MTM1: variants seen among roughly 807,000 people sequenced by gnomAD.
The protein encoded by MTM1 is myotubularin 1.
A neutral mutation model predicts 52.1 loss-of-function variants in MTM1; 9 were observed. The observed-to-expected ratio is 0.17, with a 90% CI of 0.10 to 0.30. The LOEUF (loss-of-function observed/expected upper bound fraction) is 0.30, where lower values mean the gene tolerates loss of function less well. MTM1 is among the 10% of genes least tolerant of loss of function. The pLI is 1.00. For synonymous variants in MTM1, 136 were observed against 163.8 expected, an observed-to-expected ratio of 0.83 and a Z score of 1.29; for missense variants, 277 against 470.7, an observed-to-expected ratio of 0.59 and a Z score of 3.81.
intron 4 of MTM1, among the ~76,000 whole-genome samples, chrX:150,604,080 G>A (rs1476939998): frequency 9.0e-6 from 1 of 111,695 alleles, no homozygotes; most frequent in African/African-American, 3.3e-5. Flanking sequence ...GCCAGGAGGA[G>A]GCTCACAGGA....
intron 4 of MTM1, among the ~76,000 whole-genome samples, chrX:150,602,302 A>T (rs1238712478): frequency 8.9e-6 from 1 of 112,155 alleles, no homozygotes; most frequent in African/African-American, 3.2e-5. Context: ...AGTTCTTGGG[A>T]AGGAGTCTGG....
At chrX:150,565,581 A>C (rs571459), upstream of MTM1, among the ~76,000 whole-genome samples, 43,217 of 109,860 alleles carry the variant, frequency 0.39, 7,460 homozygotes, top group East Asian at 0.72. Flanking sequence ...AAGTAGCAGG[A>C]AACAGGCCAT....
intron 2 of MTM1, among the ~76,000 whole-genome samples, chrX:150,596,044 C>T (rs1557412595): frequency 9.0e-6 from 1 of 111,074 alleles, no homozygotes; most frequent in African/African-American, 3.3e-5. Flanking sequence ...GATTTTCGGG[C>T]ATTGTAATAG....
At chrX:150,622,858 T>C (rs1194001506) in intron 6 of MTM1, among the ~76,000 whole-genome samples, 2 of 111,530 alleles carry the variant, frequency 1.8e-5, no homozygotes, top group Non-Finnish European at 3.8e-5. Context: ...TTTGGACACA[T>C]AGCATTTCAT....
chrX:150,629,085 G>A (rs1557413482), intron 6 of MTM1, among the ~76,000 whole-genome samples: 1 of 111,125 alleles, frequency 9.0e-6, no homozygotes, highest in Admixed American at 9.5e-5. Flanking sequence ...ATTGTTAGGA[G>A]GTCTTTCTAC....
rs1438106866 is a variant in MTM1 at position 150,583,775 on chromosome X, A to T, written c.-10-8830A>T. On this transcript the variant is annotated intron_variant, in intron 1 of 14. Coordinates refer to ENST00000370396, the MANE Select transcript of MTM1 (RefSeq NM_000252.3). ...ATATATATTAAATTAATATATATTT[A>T]ATATATAAAATATATATAAAATATA... Among the ~76,000 whole-genome samples the T allele has an allele frequency of 4.1e-5, 2 of 48,845 alleles. 1 individual carries two copies. Among genetic ancestry groups the T allele is most frequent in the Admixed American group, 9.3e-4 (2 of 2,153 alleles). 42.4% of individuals were successfully genotyped at this position (48,845 alleles called of 115,157 possible). A position where few individuals can be genotyped will look rare whatever the true frequency, so the allele number is the denominator to read the frequency against.
chrX:150,584,057 C>A (rs1228571874), intron 1 of MTM1, among the ~76,000 whole-genome samples: 2 of 96,123 alleles, frequency 2.1e-5, no homozygotes, highest in African/African-American at 7.5e-5. Context: ...TATATGGCAG[C>A]AAATATATAT....
intron 4 of MTM1, among the ~76,000 whole-genome samples, chrX:150,600,223 A>C (rs1294856879): frequency 8.9e-6 from 1 of 111,812 alleles, no homozygotes; most frequent in Non-Finnish European, 1.9e-5. Context: ...GAAAAACCCC[A>C]TACTAGCCAA....
the MTM1 span, among the ~76,000 whole-genome samples, chrX:150,563,245 G>A: frequency 1.4e-4 from 15 of 106,200 alleles, no homozygotes; most frequent in African/African-American, 4.8e-4. Flanking sequence ...ATTCTGGGCA[G>A]CCTTAGGAAT....
At chrX:150,657,707 A>G (rs2040145581) in intron 10 of MTM1, 114 bp from the exon 11 acceptor site, 1 of 692,932 alleles carries the variant, frequency 1.4e-6, no homozygotes, top group African/African-American at 2.2e-5. Flanking sequence ...CTTTTGATAA[A>G]TCTTTGTTCT....
chrX:150,658,414 A>G (rs1462300711), intron 11 of MTM1, among the ~76,000 whole-genome samples: 2 of 111,697 alleles, frequency 1.8e-5, no homozygotes, highest in African/African-American at 6.5e-5. Context: ...AATAAGTTCA[A>G]AAGAGCTATT....
intron 1 of MTM1, among the ~76,000 whole-genome samples, chrX:150,583,600 AATATATAATTTATATATATT>A (rs2038686398): frequency 9.1e-5 from 3 of 32,945 alleles, no homozygotes; most frequent in Non-Finnish European, 1.4e-4. Context: ...ATTTATATAT[AATATATAATTTATATATATT>A]ATATATAATT....
intron 6 of MTM1, among the ~76,000 whole-genome samples, chrX:150,635,923 C>T (rs1557413696): frequency 2.7e-5 from 3 of 111,816 alleles, no homozygotes. Context: ...GGTTTAAGCA[C>T]CCAGTCTTTT....
At chrX:150,573,243 C>T (rs375603268) in intron 1 of MTM1, among the ~76,000 whole-genome samples, 2 of 112,387 alleles carry the variant, frequency 1.8e-5, no homozygotes, top group African/African-American at 6.5e-5. Flanking sequence ...CCTTTCTTGC[C>T]GTGGTCAAAC....
chrX:150,629,077 T>G (rs2039619795), intron 6 of MTM1, among the ~76,000 whole-genome samples: 1 of 111,306 alleles, frequency 9.0e-6, no homozygotes, highest in Admixed American at 9.5e-5. Flanking sequence ...GTTGGAACAT[T>G]GTTAGGAGGT....
intron 2 of MTM1, among the ~76,000 whole-genome samples, chrX:150,594,452 GTCT>G (rs2038942077): frequency 9.0e-6 from 1 of 111,701 alleles, no homozygotes; most frequent in South Asian, 3.7e-4. Flanking sequence ...TATGTTACAA[GTCT>G]TCTTCCTGAT....
At chrX:150,564,332 T>C (rs1222260419), upstream of MTM1, among the ~76,000 whole-genome samples, 1 of 112,081 alleles carries the variant, frequency 8.9e-6, no homozygotes, top group Non-Finnish European at 1.9e-5. Flanking sequence ...GGCTTAGCTA[T>C]GGGTTTAATC....
intron 14 of MTM1, among the ~76,000 whole-genome samples, chrX:150,668,477 A>C (rs1479960938): frequency 9.3e-6 from 1 of 107,510 alleles, no homozygotes; most frequent in African/African-American, 3.4e-5. Context: ...ACCTGAGCCC[A>C]GAAATTCGAG....
rs2039663530 is a variant in MTM1 at position 150,631,412 on chromosome X, C to T, written c.445-7531C>T. On this transcript the variant is annotated intron_variant, in intron 6 of 14. Coordinates refer to ENST00000370396, the MANE Select transcript of MTM1 (RefSeq NM_000252.3). ...CGTGGTGAGTCACGCCTTGCAATCC[C>T]AGCACTTTGGGAAGTCGAGGCAGGC... Among the ~76,000 whole-genome samples, 2 of 111,801 alleles carry T rather than the reference C, an allele frequency of 1.8e-5. 1 individual carries two copies. Among genetic ancestry groups the T allele is most frequent in the South Asian group, 7.4e-4 (2 of 2,691 alleles).
Sources: allele counts gnomAD v4.1 joint callset (sites outside exome capture counted in the v4.1 genomes callset), GRCh38; gene constraint gnomAD v4.1.1; transcripts MANE v1.5; gene names NCBI Gene and HGNC (gene_info 2026-07-23, HGNC 2026-07-21).